DIP2B: variants seen among roughly 807,000 people sequenced by gnomAD.
DIP2B encodes the protein disco-interacting protein 2 homolog B.
In DIP2B, 76 loss-of-function variants were observed where a neutral mutation model predicts 198.0. The observed-to-expected ratio is 0.38, with a 90% CI of 0.32 to 0.46. DIP2B has a LOEUF of 0.46. Ranked by LOEUF, DIP2B falls within the 20% of genes least tolerant of loss-of-function variation. The pLI is 0.99. For missense variants in DIP2B, 1,559 were observed against 1,978.4 expected (o/e 0.79, Z 4.02); for synonymous variants, 701 against 739.1 (o/e 0.95, Z 0.84).
At chr12:50,727,854 A>G in intron 29 of DIP2B, 42 bp downstream of exon 29, 1 of 1,534,376 alleles carries the variant, frequency 6.5e-7, no homozygotes, top group Non-Finnish European at 9.0e-7. Context: ...GCCAAAAAAT[A>G]GAGATGACCA....
At chr12:50,699,656 G>A (rs1939381938) in intron 19 of DIP2B, among the ~76,000 whole-genome samples, 1 of 152,028 alleles carries the variant, frequency 6.6e-6, no homozygotes. Context: ...ACCAGGCAAT[G>A]TAGCAATGTA....
chr12:50,560,830 C>T (rs995184135), intron 1 of DIP2B, among the ~76,000 whole-genome samples: 1 of 152,172 alleles, frequency 6.6e-6, no homozygotes, highest in Non-Finnish European at 1.5e-5. Context: ...AATTTACAGC[C>T]TGATGATCAC....
At chr12:50,526,845 A>G (rs1391002962) in intron 1 of DIP2B, among the ~76,000 whole-genome samples, 6 of 152,028 alleles carry the variant, frequency 3.9e-5, no homozygotes, top group Non-Finnish European at 8.8e-5. Flanking sequence ...CATGTTGGCC[A>G]GGTTGGTCCC....
chr12:50,569,866 AT>A (rs1419928410), intron 1 of DIP2B, among the ~76,000 whole-genome samples: 1 of 152,236 alleles, frequency 6.6e-6, no homozygotes, highest in African/African-American at 2.4e-5. Context: ...CTTTTAAAAT[AT>A]TTTAGTTTTA....
intron 23 of DIP2B, among the ~76,000 whole-genome samples, chr12:50,717,558 A>G (rs1003288744): frequency 5.3e-5 from 8 of 151,430 alleles, no homozygotes; most frequent in Non-Finnish European, 1.2e-4. Context: ...TAGTAGAGAC[A>G]GGGTTTCACC....
chr12:50,641,984 A>G (rs1021082482), intron 3 of DIP2B, among the ~76,000 whole-genome samples: 4 of 152,200 alleles, frequency 2.6e-5, no homozygotes, highest in Non-Finnish European at 4.4e-5. Flanking sequence ...AACACAGTCT[A>G]TATCACATCC....
chr12:50,669,340 CA>C (rs1451957327), intron 4 of DIP2B, among the ~76,000 whole-genome samples: 2 of 152,204 alleles, frequency 1.3e-5, no homozygotes, highest in Non-Finnish European at 2.9e-5. Flanking sequence ...TCACAGGCTT[CA>C]GACCTTCCTC....
chr12:50,720,913 A>G lies in DIP2B; in HGVS notation c.3043-360A>G, dbSNP rs145006907. ...AGGCATTGGCTCAAGTGATCCTTCC[A>G]CTTCTGCCCCTTGAGTAGCTGGGAC... On this transcript the variant is annotated intron_variant, in intron 25 of 37. Coordinates refer to ENST00000301180, the MANE Select transcript of DIP2B (RefSeq NM_173602.3). 3.4e-3 allele frequency among the ~76,000 whole-genome samples: 519 copies of G among 152,214 alleles called. 5 individuals carry two copies. The highest frequency in any genetic ancestry group is 0.012 in the African/African-American group (481 of 41,546).
intron 3 of DIP2B, among the ~76,000 whole-genome samples, chr12:50,654,113 A>C (rs1938512824): frequency 6.6e-6 from 1 of 151,978 alleles, no homozygotes; most frequent in African/African-American, 2.4e-5. Flanking sequence ...GCCTCAGATG[A>C]TCTACCCGCC....
intron 1 of DIP2B, among the ~76,000 whole-genome samples, chr12:50,618,323 G>A (rs896590559): frequency 6.6e-6 from 1 of 152,262 alleles, no homozygotes; most frequent in Non-Finnish European, 1.5e-5. Flanking sequence ...AGGCACAAAC[G>A]GCCAAGTCCT....
chr12:50,617,670 G>T (rs1046293066), intron 1 of DIP2B, among the ~76,000 whole-genome samples: 2 of 152,108 alleles, frequency 1.3e-5, no homozygotes, highest in Non-Finnish European at 2.9e-5. Flanking sequence ...TTACCCGGCA[G>T]TGGTGGCATT....
chr12:50,726,668 CT>C (rs769357838), intron 28 of DIP2B, among the ~76,000 whole-genome samples: 1,687 of 109,730 alleles, frequency 0.015, 27 homozygotes, highest in African/African-American at 0.044. Flanking sequence ...TTCTTTCTTT[CT>C]TTTTTTTTTT....
chr12:50,565,343 T>A (rs1009535288), intron 1 of DIP2B, among the ~76,000 whole-genome samples: 1 of 151,956 alleles, frequency 6.6e-6, no homozygotes, highest in Non-Finnish European at 1.5e-5. Context: ...TTGCCCAGGC[T>A]AGAGTGCAGT....
At chr12:50,542,189 A>C (rs1958332111) in intron 1 of DIP2B, among the ~76,000 whole-genome samples, 1 of 147,714 alleles carries the variant, frequency 6.8e-6, no homozygotes, top group Admixed American at 6.8e-5. Context: ...CAGAGCTTGC[A>C]GTGAGTCGAG....
At chr12:50,511,962 A>G (rs1412796773) in intron 1 of DIP2B, among the ~76,000 whole-genome samples, 1 of 150,516 alleles carries the variant, frequency 6.6e-6, no homozygotes, top group Non-Finnish European at 1.5e-5. Context: ...AAAAAAAAAA[A>G]AAAAAAAAAG....
rs564582247 is a variant in DIP2B at position 50,537,183 on chromosome 12, A to C, written c.100+31943A>C. Among the ~76,000 whole-genome samples, 5 of 112,766 alleles carry C rather than the reference A, an allele frequency of 4.4e-5. No homozygotes were observed. In the East Asian group the frequency reaches 1.2e-3, roughly 28 times the overall value. The allele number at this position is 112,766 out of a possible 152,430, so 74.0% of individuals were successfully genotyped here. A position where few individuals can be genotyped will look rare whatever the true frequency, so the allele number is the denominator to read the frequency against. ...ACTTTGTTTCCCAGGCTGGTCTTGAATTCCTGAGCTCAAGCGATCCACCTG... is the reference window on the plus strand; with the variant it reads ...ACTTTGTTTCCCAGGCTGGTCTTGACTTCCTGAGCTCAAGCGATCCACCTG... On this transcript the variant is annotated intron_variant, in intron 1 of 37. Coordinates refer to ENST00000301180, the MANE Select transcript of DIP2B (RefSeq NM_173602.3).
At chr12:50,728,771 A>G in intron 30 of DIP2B, 93 bp downstream of exon 30, 2 of 1,481,560 alleles carry the variant, frequency 1.3e-6, no homozygotes, top group South Asian at 2.9e-5. Flanking sequence ...TTAATTTGGT[A>G]AAGTTTCAGT....
At chr12:50,656,775 T>C (rs1938561496) in intron 3 of DIP2B, among the ~76,000 whole-genome samples, 1 of 152,132 alleles carries the variant, frequency 6.6e-6, no homozygotes, top group African/African-American at 2.4e-5. Context: ...TTTTGCCACG[T>C]TGGTCAGGCT....
chr12:50,721,681 G>A (rs1485520356), intron 26 of DIP2B, among the ~76,000 whole-genome samples: 1 of 152,188 alleles, frequency 6.6e-6, no homozygotes, highest in African/African-American at 2.4e-5. Context: ...GAAGTCTTCA[G>A]CTACTTGGCT....
Sources: allele counts gnomAD v4.1 joint callset (sites outside exome capture counted in the v4.1 genomes callset), GRCh38; gene constraint gnomAD v4.1.1; transcripts MANE v1.5; gene names NCBI Gene and HGNC (gene_info 2026-07-23, HGNC 2026-07-21).